METTL25: variants seen among roughly 807,000 people sequenced by gnomAD.
The protein encoded by METTL25 is probable methyltransferase-like protein 25.
In METTL25, 64 loss-of-function variants were observed where a neutral mutation model predicts 71.6. That is an observed-to-expected ratio of 0.89 (90% confidence interval 0.73 to 1.10). The LOEUF is 1.10. METTL25 is among the 50% of genes least tolerant of loss of function. The pLI is 0.00. For missense variants in METTL25, 807 were observed against 707.0 expected, an observed-to-expected ratio of 1.14 and a Z score of -1.60; for synonymous variants, 287 against 250.3, an observed-to-expected ratio of 1.15 and a Z score of -1.38.
In METTL25 at chr12:82,399,374, G is replaced by A. The variant is rs776163830; in HGVS notation, c.1111G>A (p.Asp371Asn). The A allele has an allele frequency of 6.3e-7, 1 of 1,577,992 alleles. No individual in the cohort carries two copies. Among genetic ancestry groups the A allele is most frequent in the Non-Finnish European group, 8.6e-7 (1 of 1,167,024 alleles). ...TATCACTGCTGATTCAGAACTCCAT[G>A]ACATTATTAAAGATTTGGAGGTGAC... ...SFITADSELH[D>N]IIKDLEDCLM... The change falls in exon 4 of 12, where the codon GAC becomes AAC. Residue 371 changes from aspartate (D) to asparagine (N), a missense_variant. Transcript: ENST00000248306.
intron 1 of METTL25, among the ~76,000 whole-genome samples, chr12:82,382,571 CT>C (rs1451739469): frequency 6.6e-6 from 1 of 152,062 alleles, no homozygotes; most frequent in African/African-American, 2.4e-5. Context: ...TCATTCATGC[CT>C]TGTGCAAAGT....
intron 1 of METTL25, among the ~76,000 whole-genome samples, chr12:82,369,055 G>A (rs1327139068): frequency 6.6e-6 from 1 of 152,148 alleles, no homozygotes. Context: ...TTCTCTGAAT[G>A]TACCATGTGT....
intron 8 of METTL25, among the ~76,000 whole-genome samples, chr12:82,454,012 G>A (rs1464042759): frequency 1.3e-5 from 2 of 152,002 alleles, no homozygotes; most frequent in Admixed American, 6.6e-5. Flanking sequence ...TTTATAAGTG[G>A]TATACATGTC....
At chr12:82,392,624 G>A (rs917530565) in intron 3 of METTL25, among the ~76,000 whole-genome samples, 1 of 151,910 alleles carries the variant, frequency 6.6e-6, no homozygotes, top group African/African-American at 2.4e-5. Context: ...AAGGTTATTA[G>A]CTTGATGTGA....
chr12:82,456,605 G>T (rs1891506751), intron 8 of METTL25, 122 bp from the exon 9 acceptor site: 2 of 540,674 alleles, frequency 3.7e-6, no homozygotes, highest in Admixed American at 7.1e-5. Flanking sequence ...ACTGTATTTT[G>T]ATCACATTTG....
At chr12:82,428,314 C>T (rs559241352) in intron 5 of METTL25, among the ~76,000 whole-genome samples, 21 of 151,818 alleles carry the variant, frequency 1.4e-4, no homozygotes, top group Non-Finnish European at 1.3e-4. Context: ...AAGGAGAGAA[C>T]GGATGGGTAA....
intron 6 of METTL25, among the ~76,000 whole-genome samples, chr12:82,432,372 T>C (rs896528914): frequency 1.3e-5 from 2 of 151,642 alleles, no homozygotes; most frequent in African/African-American, 2.4e-5. Context: ...CTTGTTAGAA[T>C]GACAGCTTCT....
chr12:82,471,486 G>A (rs1892565535), intron 9 of METTL25, among the ~76,000 whole-genome samples: 2 of 152,234 alleles, frequency 1.3e-5, no homozygotes, highest in Non-Finnish European at 2.9e-5. Context: ...GAACACATGA[G>A]CACAGTGACT....
chr12:82,407,996 T>C, intron 5 of METTL25: 1 of 980,830 alleles, frequency 1.0e-6, no homozygotes, highest in Non-Finnish European at 1.2e-6. Flanking sequence ...TTCTCAATTC[T>C]AGCTGCCTAG....
At chr12:82,407,425 A>G (rs543972649) in intron 5 of METTL25, among the ~76,000 whole-genome samples, 4 of 152,302 alleles carry the variant, frequency 2.6e-5, no homozygotes, top group South Asian at 4.1e-4. Flanking sequence ...ACCAGCAGCT[A>G]TAAACTCTGA....
At chr12:82,369,735 T>G (rs999167216) in intron 1 of METTL25, among the ~76,000 whole-genome samples, 3 of 152,004 alleles carry the variant, frequency 2.0e-5, no homozygotes, top group African/African-American at 7.3e-5. Context: ...ACCCACGTCC[T>G]GCTGATTGGT....
intron 5 of METTL25, 144 bp downstream of exon 5, chr12:82,403,274 T>C (rs1484704073): frequency 1.4e-6 from 1 of 735,806 alleles, no homozygotes; most frequent in Non-Finnish European, 2.2e-6. Flanking sequence ...CTTGCACTTT[T>C]AGTGTTACGG....
intron 2 of METTL25, among the ~76,000 whole-genome samples, chr12:82,387,466 T>C (rs1185827418): frequency 1.3e-5 from 2 of 151,948 alleles, no homozygotes; most frequent in Non-Finnish European, 2.9e-5. Context: ...TGTTTCTACA[T>C]GCCAATTAAA....
chr12:82,405,016 G>A (rs143469232), intron 5 of METTL25, among the ~76,000 whole-genome samples: 4 of 151,744 alleles, frequency 2.6e-5, no homozygotes, highest in Non-Finnish European at 5.9e-5. Context: ...TCAGTTACCT[G>A]CTTCCTTCTT....
chr12:82,395,240 G>C (rs1885964049), intron 3 of METTL25, among the ~76,000 whole-genome samples: 1 of 152,070 alleles, frequency 6.6e-6, no homozygotes. Flanking sequence ...AGCATCCAGA[G>C]TTGAAGCAAA....
At chr12:82,380,455 A>C (rs551900446) in intron 1 of METTL25, among the ~76,000 whole-genome samples, 1 of 152,222 alleles carries the variant, frequency 6.6e-6, no homozygotes, top group East Asian at 1.9e-4. Context: ...ATATGTAGTT[A>C]AGTACATAAT....
At chr12:82,369,934 A>C (rs1475484202) in intron 1 of METTL25, among the ~76,000 whole-genome samples, 1 of 152,046 alleles carries the variant, frequency 6.6e-6, no homozygotes, top group Non-Finnish European at 1.5e-5. Flanking sequence ...GTGCGTTTAC[A>C]ATCCTTTACC....
At chr12:82,423,495 G>A (rs559125682) in intron 5 of METTL25, among the ~76,000 whole-genome samples, 2,081 of 152,266 alleles carry the variant, frequency 0.014, 52 homozygotes, top group African/African-American at 0.047. Flanking sequence ...AGGACTTTAT[G>A]ACTAAAACAC....
chr12:82,416,173 G>A (rs1292860515), intron 5 of METTL25, among the ~76,000 whole-genome samples: 2 of 152,042 alleles, frequency 1.3e-5, no homozygotes, highest in Admixed American at 1.3e-4. Context: ...TTCTTTAAAT[G>A]TCTTGAATTC....
Sources: gnomAD v4.1 joint callset for allele counts (sites outside exome capture counted in the v4.1 genomes callset) on GRCh38, gnomAD v4.1.1 for gene constraint, MANE v1.5 for transcripts, NCBI Gene and HGNC (gene_info 2026-07-23, HGNC 2026-07-21) for gene names.